Variants in ZNF791 observed in about 807,000 individuals in gnomAD.
ZNF791 encodes zinc finger protein 791.
ZNF791 carries 4 observed loss-of-function variants against 11.5 expected under a neutral mutation model. The observed-to-expected ratio is 0.35, with a 90% CI of 0.17 to 0.80. The LOEUF (loss-of-function observed/expected upper bound fraction) is 0.80, where lower values mean the gene tolerates loss of function less well. Among genes scored for constraint, ZNF791 ranks in the 30% least tolerant of loss-of-function variants. The probability of loss-of-function intolerance (pLI) is 0.53; values close to 1 mark genes in which losing one functional copy is unlikely to be tolerated. For synonymous variants in ZNF791, 212 were observed against 228.1 expected (o/e 0.93, Z 0.64); for missense variants, 559 against 699.4 (o/e 0.80, Z 2.26).
At chr19:12,623,623 G>A (rs1599325340) in intron 1 of ZNF791, 77 bp from the exon 2 acceptor site, 5 of 1,592,678 alleles carry the variant, frequency 3.1e-6, no homozygotes, top group Middle Eastern at 1.7e-4. Context: ...AAAATCGTGT[G>A]TGAATTTCTT....
At position 12,610,944 on chromosome 19, in the gene ZNF791, A is replaced by C; in HGVS notation, c.-136A>C. The C allele has an allele frequency of 4.9e-6, 6 of 1,232,122 alleles. No individual in the cohort carries two copies. The highest frequency in any genetic ancestry group is 7.1e-6 in the Non-Finnish European group (6 of 843,528). 76.3% of individuals were successfully genotyped at this position (1,232,122 alleles called of 1,614,324 possible). On this transcript the variant is annotated 5_prime_UTR_variant, in exon 1 of 4. Transcript: ENST00000343325. ...CAAATGCGTGCTACGTCACTGTGCG[A>C]TCGGGTTGTGCTTAGCTTGGGGTCT...
intron 1 of ZNF791, among the ~76,000 whole-genome samples, chr19:12,618,016 C>A (rs1006663418): frequency 1.3e-5 from 2 of 148,324 alleles, no homozygotes; most frequent in East Asian, 4.0e-4. Context: ...CCACTGGGTT[C>A]AAGCGATTCT....
At chr19:12,616,735 C>T (rs1402681373) in intron 1 of ZNF791, among the ~76,000 whole-genome samples, 1 of 152,152 alleles carries the variant, frequency 6.6e-6, no homozygotes, top group African/African-American at 2.4e-5. Context: ...ATTTTAGATA[C>T]TAGTCCTTAA....
In ZNF791 at chr19:12,615,608, G is replaced by C. The variant is rs555229475; in HGVS notation, c.3+4526G>C. On this transcript the variant is annotated intron_variant, in intron 1 of 3. Transcript: ENST00000343325. ...AGCCTGGCCAACATGACAAAACCCC[G>C]TCTCTACTAAAAATACAAAAATTAG... 2.3e-4 allele frequency among the ~76,000 whole-genome samples: 35 copies of C among 151,976 alleles called. 1 individual carries two copies. The South Asian group carries it at 5.8e-3, about 25-fold the overall frequency.
At position 12,630,386 on chromosome 19, in the gene ZNF791, G is replaced by A. The variant is rs539410868; in HGVS notation, c.*1126G>A. ...CAGGAGAATCGCTTGAACCCGGGAGGTGGAGATTGCAGTGAGCTGAGATCT... is the reference window on the plus strand; with the variant it reads ...CAGGAGAATCGCTTGAACCCGGGAGATGGAGATTGCAGTGAGCTGAGATCT... On this transcript the variant is annotated 3_prime_UTR_variant, in exon 4 of 4. Coordinates refer to ENST00000343325, the MANE Select transcript of ZNF791 (RefSeq NM_153358.3). 6.6e-6 allele frequency: 1 copy of A among 151,256 alleles called. No individual in the cohort carries two copies. Among genetic ancestry groups the A allele is most frequent in the East Asian group, 1.9e-4 (1 of 5,134 alleles). The allele number at this position is 151,256 out of a possible 1,614,324, so 9.4% of individuals were successfully genotyped here. A position where few individuals can be genotyped will look rare whatever the true frequency, so the allele number is the denominator to read the frequency against.
chr19:12,618,416 C>T (rs1356444368), intron 1 of ZNF791, among the ~76,000 whole-genome samples: 5 of 151,962 alleles, frequency 3.3e-5, no homozygotes, highest in East Asian at 3.9e-4. Flanking sequence ...GAGTCTGAGG[C>T]GGGAAGATTG....
At chr19:12,611,606 T>A (rs1379722603) in intron 1 of ZNF791, among the ~76,000 whole-genome samples, 1 of 152,206 alleles carries the variant, frequency 6.6e-6, no homozygotes, top group Non-Finnish European at 1.5e-5. Context: ...ACACGCAGTA[T>A]TTTAATAATC....
Position 12,631,389 on chromosome 19 carries a change from T to TAA in ZNF791, c.*2132_*2133dup. 1 of 152,214 alleles carries TAA rather than the reference T, an allele frequency of 6.6e-6. No homozygotes were observed. The highest frequency in any genetic ancestry group is 2.4e-5 in the African/African-American group (1 of 41,438). 9.4% of individuals were successfully genotyped at this position (152,214 alleles called of 1,614,324 possible). A position where few individuals can be genotyped will look rare whatever the true frequency, so the allele number is the denominator to read the frequency against. ...CCCATGATTAAGCAATCTCTGCCTG[T>TAA]AAAATGCTCCAGAAAATTCACACCA... is the stretch of plus-strand genomic sequence containing the variant. On this transcript the variant is annotated 3_prime_UTR_variant, in exon 4 of 4. Transcript: ENST00000343325.
Position 12,623,873 on chromosome 19 carries a change from G to C in ZNF791, c.130+47G>C, listed in dbSNP as rs377616320. 5 of 991,746 alleles carry C rather than the reference G, an allele frequency of 5.0e-6. 1 individual carries two copies. Among genetic ancestry groups the C allele is most frequent in the Admixed American group, 3.0e-5 (1 of 33,868 alleles). The allele number at this position is 991,746 out of a possible 1,614,324, so 61.4% of individuals were successfully genotyped here. A position where few individuals can be genotyped will look rare whatever the true frequency, so the allele number is the denominator to read the frequency against. On this transcript the variant is annotated intron_variant, in intron 2 of 3. Transcript: ENST00000343325. ...CTTTTTTCTTTTTTTTTTTTTTTGG[G>C]GGGGGACAGAGTTTCACTATTGTCC...
chr19:12,628,303 T>G lies in ZNF791; in HGVS notation c.774T>G (p.Ser258Arg). Reference sequence around the variant, plus strand: ...GGAAAGCCTTCATTTCCCACACAAGTGTTCTAACACACATGATAACACACA... The same window carrying G: ...GGAAAGCCTTCATTTCCCACACAAGGGTTCTAACACACATGATAACACACA... ...ECGKAFISHTSVLTHMITHNG... is the reference protein window; with the variant it reads ...ECGKAFISHTRVLTHMITHNG... The change falls in exon 4 of 4, where the codon AGT (serine) becomes AGG (arginine). Residue 258 changes from serine to arginine, a missense_variant. Transcript: ENST00000343325. 1 of 1,612,738 alleles carries G rather than the reference T, an allele frequency of 6.2e-7. No individual in the cohort carries two copies. The highest frequency in any genetic ancestry group is 8.5e-7 in the Non-Finnish European group (1 of 1,179,610).
intron 1 of ZNF791, among the ~76,000 whole-genome samples, chr19:12,621,022 C>T (rs188994577): frequency 2.0e-5 from 3 of 151,940 alleles, no homozygotes; most frequent in Admixed American, 1.3e-4. Flanking sequence ...CGGCCTCCCA[C>T]AGTGCTGGGA....
rs905831022 is a variant in ZNF791 at position 12,631,868 on chromosome 19, T to C, written c.*2608T>C. ...AATTCTGTAAGTACTCTTTAAGCAG[T>C]GGTCAAAAGTTTAAAAGGTTGTGTT... On this transcript the variant is annotated 3_prime_UTR_variant, in exon 4 of 4. Coordinates refer to ENST00000343325, the MANE Select transcript of ZNF791 (RefSeq NM_153358.3). 1 of 152,210 alleles carries C rather than the reference T, an allele frequency of 6.6e-6. No individual in the cohort carries two copies. Among genetic ancestry groups the C allele is most frequent in the Non-Finnish European group, 1.5e-5 (1 of 68,026 alleles). The allele number at this position is 152,210 out of a possible 1,614,324, so 9.4% of individuals were successfully genotyped here. A position where few individuals can be genotyped will look rare whatever the true frequency, so the allele number is the denominator to read the frequency against.
At chr19:12,612,364 T>C (rs370572009) in intron 1 of ZNF791, 14 of 152,400 alleles carry the variant, frequency 9.2e-5, no homozygotes, top group African/African-American at 3.4e-4. Flanking sequence ...CTGAAAGCAA[T>C]AGTGGGTTTT....
intron 1 of ZNF791, among the ~76,000 whole-genome samples, chr19:12,615,906 T>G (rs1324682987): frequency 6.6e-6 from 1 of 152,182 alleles, no homozygotes; most frequent in Non-Finnish European, 1.5e-5. Context: ...ATGGGCAGGT[T>G]TTTGTATGAA....
chr19:12,624,078 ACTC>A (rs2023393136), intron 2 of ZNF791, among the ~76,000 whole-genome samples: 1 of 143,974 alleles, frequency 6.9e-6, no homozygotes, highest in African/African-American at 2.6e-5. Flanking sequence ...CTGGTCTTGA[ACTC>A]CTGACCACAG....
At chr19:12,614,133 A>G (rs1003228181) in intron 1 of ZNF791, among the ~76,000 whole-genome samples, 2 of 152,182 alleles carry the variant, frequency 1.3e-5, no homozygotes, top group African/African-American at 4.8e-5. Context: ...CTTTGCTGCC[A>G]TAGGAGAGAA....
Position 12,611,100 on chromosome 19 carries a change from G to A in ZNF791, c.3+18G>A. The A allele has an allele frequency of 3.1e-6, 5 of 1,614,058 alleles. No homozygotes were observed. Among genetic ancestry groups the A allele is most frequent in the Non-Finnish European group, 4.2e-6 (5 of 1,179,978 alleles). ...GGAAAATGGTGAGTGTGCAGGGCCG[G>A]ACTAGTTGGAACCGGCCGTGATCGC... On this transcript the variant is annotated intron_variant, in intron 1 of 3. Coordinates refer to ENST00000343325, the MANE Select transcript of ZNF791 (RefSeq NM_153358.3).
In ZNF791 at chr19:12,610,936, A is replaced by C. The variant is rs2023145731; in HGVS notation, c.-144A>C. On this transcript the variant is annotated 5_prime_UTR_variant, in exon 1 of 4. Transcript: ENST00000343325. ...ACGCTGCGCAAATGCGTGCTACGTC[A>C]CTGTGCGATCGGGTTGTGCTTAGCT... 2 of 1,154,728 alleles carry C rather than the reference A, an allele frequency of 1.7e-6. No individual in the cohort carries two copies. The highest frequency in any genetic ancestry group is 2.6e-6 in the Non-Finnish European group (2 of 775,330). 71.5% of individuals were successfully genotyped at this position (1,154,728 alleles called of 1,614,324 possible).
rs1219353293 is a variant in ZNF791, at chr19:12,631,141, CTG to C, written c.*1885_*1886del. 2.6e-5 allele frequency: 4 copies of C among 152,148 alleles called. No individual in the cohort carries two copies. The highest frequency in any genetic ancestry group is 4.1e-4 in the South Asian group (2 of 4,834). The allele number at this position is 152,148 out of a possible 1,614,324, so 9.4% of individuals were successfully genotyped here. On this transcript the variant is annotated 3_prime_UTR_variant, in exon 4 of 4. Coordinates refer to ENST00000343325, the MANE Select transcript of ZNF791 (RefSeq NM_153358.3). ...TTATCTTTTATACTGCATGTTTACT[CTG>C]TGTATTTTCTGTGTTTAGACTCATA...
Sources: gnomAD v4.1 joint callset for allele counts (sites outside exome capture counted in the v4.1 genomes callset) on GRCh38, gnomAD v4.1.1 for gene constraint, MANE v1.5 for transcripts, NCBI Gene and HGNC (gene_info 2026-07-23, HGNC 2026-07-21) for gene names.